Variants in TBC1D1 observed in about 807,000 individuals in gnomAD.
TBC1D1 encodes the protein TBC1 (tre-2/USP6, BUB2, cdc16) domain family, member 1.
TBC1D1 carries 89 observed loss-of-function variants against 125.6 expected under a neutral mutation model. That is an observed-to-expected ratio of 0.71 (90% confidence interval 0.60 to 0.85). The LOEUF (loss-of-function observed/expected upper bound fraction) is 0.85, where lower values mean the gene tolerates loss of function less well. Ranked by LOEUF, TBC1D1 falls within the 40% of genes least tolerant of loss-of-function variation. TBC1D1 has a pLI of 0.00. For synonymous variants in TBC1D1, 565 were observed against 564.1 expected, an observed-to-expected ratio of 1.00 and a Z score of -0.02; for missense variants, 1,377 against 1,469.2, an observed-to-expected ratio of 0.94 and a Z score of 1.03.
intron 2 of TBC1D1, among the ~76,000 whole-genome samples, chr4:37,940,084 A>T (rs1231145041): frequency 6.6e-6 from 1 of 152,174 alleles, no homozygotes; most frequent in Non-Finnish European, 1.5e-5. Context: ...CTTAATGGGG[A>T]TGGCATTGAA....
intron 8 of TBC1D1, among the ~76,000 whole-genome samples, chr4:38,038,786 A>C (rs1747715423): frequency 1.3e-5 from 2 of 152,074 alleles, no homozygotes; most frequent in Non-Finnish European, 2.9e-5. Context: ...TCTCCACTAA[A>C]AATACAAAAA....
chr4:38,066,922 GC>G (rs1753838696), intron 12 of TBC1D1, among the ~76,000 whole-genome samples: 1 of 152,066 alleles, frequency 6.6e-6, no homozygotes, highest in Non-Finnish European at 1.5e-5. Flanking sequence ...CTGTCGCCGG[GC>G]TGGAGTGCAG....
At chr4:38,059,301 A>G (rs1451063037) in intron 12 of TBC1D1, among the ~76,000 whole-genome samples, 1 of 152,190 alleles carries the variant, frequency 6.6e-6, no homozygotes, top group East Asian at 1.9e-4. Context: ...GCTGGTTTTA[A>G]TCCTGAACCT....
rs145850500 is a variant in TBC1D1, at chr4:37,933,899, G to A, written c.417+31387G>A. On this transcript the variant is annotated intron_variant, in intron 2 of 19. Coordinates refer to ENST00000261439, the MANE Select transcript of TBC1D1 (RefSeq NM_015173.4). ...AAAAAAAGGCACTTTCAAGCAGAGC[G>A]TCAGTCTCATTCCTAATCGATTGTG... Among the ~76,000 whole-genome samples, 721 of 152,280 alleles carry A rather than the reference G, an allele frequency of 4.7e-3. 6 individuals are homozygous for A. Among genetic ancestry groups the A allele is most frequent in the African/African-American group, 0.016 (684 of 41,548 alleles).
At position 38,137,235 on chromosome 4, in the gene TBC1D1, G is replaced by A. The variant is rs13110318; in HGVS notation, c.3407G>A (p.Arg1136Gln). 0.093 allele frequency: 149,401 copies of A among 1,612,330 alleles called. 7,434 individuals are homozygous for A. The highest frequency in any genetic ancestry group is 0.18 in the Admixed American group (10,576 of 60,016). Residue 1136 changes from arginine (R) to glutamine (Q), a missense_variant, in exon 20 of 20, where the codon CGG becomes CAG. This residue lies in a region of TBC1D1 where 543 missense variants were observed against 613.5 expected (regional missense o/e 0.89). Coordinates refer to ENST00000261439, the MANE Select transcript of TBC1D1 (RefSeq NM_015173.4). Reference sequence around the variant, plus strand: ...GCCATGCTTACCTTAGAACTGGAGCGGTCGGCCCTGCTGCAGACGGTGGAG... The same window carrying A: ...GCCATGCTTACCTTAGAACTGGAGCAGTCGGCCCTGCTGCAGACGGTGGAG...
chr4:38,102,721 T>TA (rs770735891), intron 14 of TBC1D1, among the ~76,000 whole-genome samples: 75 of 148,152 alleles, frequency 5.1e-4, no homozygotes, highest in African/African-American at 1.3e-3. Context: ...TCTACAAAAA[T>TA]AAAAAAAAAA....
At chr4:37,908,390 G>A (rs1661808188) in intron 2 of TBC1D1, among the ~76,000 whole-genome samples, 1 of 152,102 alleles carries the variant, frequency 6.6e-6, no homozygotes. Flanking sequence ...ATTTTTAGTG[G>A]AGATGGGTTT....
intron 1 of TBC1D1, among the ~76,000 whole-genome samples, chr4:37,892,426 A>T (rs1713544284): frequency 6.6e-6 from 1 of 152,078 alleles, no homozygotes; most frequent in Non-Finnish European, 1.5e-5. Flanking sequence ...TTAAAAAAAA[A>T]GAGTTTAGGG....
At chr4:37,908,464 C>T (rs1717835961) in intron 2 of TBC1D1, among the ~76,000 whole-genome samples, 1 of 152,172 alleles carries the variant, frequency 6.6e-6, no homozygotes, top group Non-Finnish European at 1.5e-5. Context: ...CTTCCACCTC[C>T]CAAAATGTTG....
At chr4:37,999,018 A>C (rs556415333) in intron 2 of TBC1D1, among the ~76,000 whole-genome samples, 1 of 152,312 alleles carries the variant, frequency 6.6e-6, no homozygotes, top group African/African-American at 2.4e-5. Flanking sequence ...AAGCCAAAGC[A>C]GGTGGATCAC....
intron 13 of TBC1D1, 148 bp downstream of exon 15, chr4:38,090,265 T>G: frequency 1.4e-6 from 1 of 727,056 alleles, no homozygotes; most frequent in South Asian, 1.9e-5. Context: ...TTTTTCAGAG[T>G]AATATTAACA....
At position 38,104,872 on chromosome 4, in the gene TBC1D1, C is replaced by G. The variant is rs1761011974; in HGVS notation, c.2557+1715C>G. On this transcript the variant is annotated intron_variant, in intron 15 of 19. Coordinates refer to ENST00000261439, the MANE Select transcript of TBC1D1 (RefSeq NM_015173.4). ...CTGGGTTCACAGCATTCTCCTGCCT[C>G]AGTCTCCCAAGTAGCTGGGACTACA... Among the ~76,000 whole-genome samples the G allele has an allele frequency of 2.6e-5, 4 of 152,120 alleles. 1 individual carries two copies. The South Asian group carries it at 8.3e-4, about 32-fold the overall frequency.
intron 2 of TBC1D1, among the ~76,000 whole-genome samples, chr4:37,991,063 G>A (rs2152387052): frequency 6.6e-6 from 1 of 150,972 alleles, no homozygotes; most frequent in African/African-American, 2.4e-5. Flanking sequence ...TGGGGCGGGG[G>A]TGGGTGGGGG....
At chr4:38,094,925 AT>A (rs1759078960) in intron 13 of TBC1D1, among the ~76,000 whole-genome samples, 3 of 152,050 alleles carry the variant, frequency 2.0e-5, no homozygotes, top group Non-Finnish European at 4.4e-5. Context: ...ATTTTTAAAA[AT>A]TTTTTTAAAA....
intron 12 of TBC1D1, among the ~76,000 whole-genome samples, chr4:38,078,496 T>C (rs963105664): frequency 7.9e-5 from 12 of 152,106 alleles, no homozygotes; most frequent in African/African-American, 2.9e-4. Context: ...ATGCACAGTG[T>C]TATGGTGTTT....
chr4:38,039,966 GA>G (rs1748031308), intron 8 of TBC1D1, among the ~76,000 whole-genome samples: 1 of 151,276 alleles, frequency 6.6e-6, no homozygotes, highest in Non-Finnish European at 1.5e-5. Context: ...TTTTTTTAAA[GA>G]AATTATTGTC....
At chr4:38,092,119 C>T (rs940655312) in intron 13 of TBC1D1, among the ~76,000 whole-genome samples, 4 of 152,096 alleles carry the variant, frequency 2.6e-5, no homozygotes, top group Non-Finnish European at 5.9e-5. Context: ...TAAGTTTTGT[C>T]GGGGTGGATT....
intron 15 of TBC1D1, among the ~76,000 whole-genome samples, chr4:38,103,477 A>G (rs1186318032): frequency 6.6e-6 from 1 of 152,216 alleles, no homozygotes; most frequent in Non-Finnish European, 1.5e-5. Context: ...CCGAAGGAAC[A>G]TCCTGGAAAA....
chr4:38,101,258 C>T (rs1016500021), intron 14 of TBC1D1, among the ~76,000 whole-genome samples: 14 of 152,240 alleles, frequency 9.2e-5, no homozygotes, highest in Admixed American at 2.0e-4. Context: ...GGGTACAAAG[C>T]GGCCACTTTT....
Sources: allele counts gnomAD v4.1 joint callset (sites outside exome capture counted in the v4.1 genomes callset), GRCh38; gene constraint gnomAD v4.1.1; regional missense constraint gnomAD v4.1.1; transcripts MANE v1.5; gene names NCBI Gene and HGNC (gene_info 2026-07-23, HGNC 2026-07-21).